The following ATP1A2 variants were observed in gnomAD, a reference collection of about 807,000 sequenced individuals.
ATP1A2 encodes the protein ATPase Na+/K+ transporting subunit alpha 2, also known as sodium/potassium-transporting ATPase subunit alpha-2.
ATP1A2 carries 56 observed loss-of-function variants against 113.1 expected under a neutral mutation model. The observed-to-expected ratio is 0.49, with a 90% CI of 0.40 to 0.62. ATP1A2 has a LOEUF of 0.62. Ranked by LOEUF, ATP1A2 falls within the 20% of genes least tolerant of loss-of-function variation. ATP1A2 has a pLI of 0.00. For missense variants in ATP1A2, 712 were observed against 1,357.8 expected (o/e 0.52, Z 7.47); for synonymous variants, 490 against 526.8 (o/e 0.93, Z 0.96).
intron 20 of ATP1A2, among the ~76,000 whole-genome samples, chr1:160,137,629 C>T (rs1035847992): frequency 1.3e-5 from 2 of 152,214 alleles, no homozygotes; most frequent in African/African-American, 2.4e-5. Flanking sequence ...GTCTCTAAAA[C>T]CCAGCCCTGG....
chr1:160,129,636 C>T (rs556686362), intron 11 of ATP1A2, among the ~76,000 whole-genome samples: 42 of 152,314 alleles, frequency 2.8e-4, no homozygotes, highest in Non-Finnish European at 4.1e-4. Flanking sequence ...CTCTTCTTCC[C>T]ATAGCTCCGC....
chr1:160,123,909 A>G, intron 4 of ATP1A2, 34 bp from the exon 5 acceptor site: 2 of 1,599,870 alleles, frequency 1.3e-6, no homozygotes, highest in East Asian at 2.2e-5. Context: ...GTTGGGGGGA[A>G]GGTCAGGTCC....
chr1:160,140,846 C>CTT (rs1045304439), intron 22 of ATP1A2: 7,183 of 87,118 alleles, frequency 0.082, 2,113 homozygotes, highest in Non-Finnish European at 0.12. Context: ...CTTTCACCTT[C>CTT]TTTTTTTTTT....
In ATP1A2 at chr1:160,120,950, G is replaced by T; in HGVS notation, c.57G>T (p.Gly19=). 1 of 1,611,662 alleles carries T rather than the reference G, an allele frequency of 6.2e-7. No homozygotes were observed. Among genetic ancestry groups the T allele is most frequent in the Non-Finnish European group, 8.5e-7 (1 of 1,178,806 alleles). Residue 19 remains glycine (G), a synonymous_variant, in exon 2 of 23, where the codon GGG becomes GGT. Transcript: ENST00000361216. ...YSPAATTAEN[G]GGKKKQKEKE... is the part of the protein sequence containing the mutation. Reference sequence around the variant, plus strand: ...CTGCCGCCACCACGGCAGAGAATGGGGGCGGCAAGAAGAAACAGAAGGAGA... The same window carrying T: ...CTGCCGCCACCACGGCAGAGAATGGTGGCGGCAAGAAGAAACAGAAGGAGA...
chr1:160,141,929 G>C lies in ATP1A2; in HGVS notation c.*607G>C, dbSNP rs1183499914. 6.3e-6 allele frequency: 1 copy of C among 159,606 alleles called. No homozygotes were observed. Among genetic ancestry groups the C allele is most frequent in the Non-Finnish European group, 1.4e-5 (1 of 71,820 alleles). The allele number at this position is 159,606 out of a possible 1,614,324, so 9.9% of individuals were successfully genotyped here. ...ACAGGTGGGAGATGGAGGTAGGGCT[G>C]GCTGGAGGAAGGAAACAACAAAGGA... is the stretch of plus-strand genomic sequence containing the variant. On this transcript the variant is annotated 3_prime_UTR_variant, in exon 23 of 23. Transcript: ENST00000361216.
intron 2 of ATP1A2, 87 bp downstream of exon 2, chr1:160,121,097 C>A: frequency 1.3e-6 from 2 of 1,599,076 alleles, no homozygotes; most frequent in South Asian, 2.2e-5. Context: ...AACTCCGTGT[C>A]CCCCATGCTG....
intron 1 of ATP1A2, among the ~76,000 whole-genome samples, chr1:160,119,886 G>T (rs1225647721): frequency 6.6e-6 from 1 of 151,790 alleles, no homozygotes; most frequent in Non-Finnish European, 1.5e-5. Flanking sequence ...GCTGAGCGTG[G>T]TGGTGCATGC....
intron 22 of ATP1A2, among the ~76,000 whole-genome samples, chr1:160,140,228 C>A (rs562217836): frequency 6.6e-6 from 1 of 152,262 alleles, no homozygotes; most frequent in South Asian, 2.1e-4. Flanking sequence ...CACCTTCCAC[C>A]TGAAACCACA....
chr1:160,127,958 A>G, intron 8 of ATP1A2, 138 bp downstream of exon 8: 1 of 1,229,326 alleles, frequency 8.1e-7, no homozygotes, highest in Non-Finnish European at 1.1e-6. Flanking sequence ...CTCAGAGATC[A>G]CTTAATACAT....
intron 14 of ATP1A2, among the ~76,000 whole-genome samples, 176 bp from the exon 15 acceptor site, chr1:160,134,969 T>C (rs1442196413): frequency 6.6e-6 from 1 of 152,086 alleles, no homozygotes; most frequent in East Asian, 1.9e-4. Flanking sequence ...GGATTTAGAC[T>C]CACATTCTCA....
At chr1:160,121,311 G>A (rs1471190758) in intron 3 of ATP1A2, 60 bp downstream of exon 3, 1 of 1,585,882 alleles carries the variant, frequency 6.3e-7, no homozygotes, top group African/African-American at 1.3e-5. Flanking sequence ...GCAGCATCAA[G>A]GTGGCAGGAG....
chr1:160,128,624 C>A (rs368793006), intron 8 of ATP1A2, 28 bp from the exon 9 acceptor site: 5 of 1,614,084 alleles, frequency 3.1e-6, no homozygotes, highest in Non-Finnish European at 3.4e-6. Context: ...CAGCCTTAAC[C>A]TTTTTTATTC....
intron 7 of ATP1A2, among the ~76,000 whole-genome samples, chr1:160,126,099 T>A (rs915208489): frequency 2.0e-5 from 3 of 152,142 alleles, no homozygotes; most frequent in Non-Finnish European, 4.4e-5. Context: ...GTGGTTTTTT[T>A]CCCTTCTTCG....
rs1570988778 is a variant in ATP1A2 at position 160,128,784 on chromosome 1, A to G, written c.1150A>G (p.Met384Val). 1 of 1,614,182 alleles carries G rather than the reference A, an allele frequency of 6.2e-7. No homozygotes were observed. The highest frequency in any genetic ancestry group is 1.1e-5 in the South Asian group (1 of 91,072). ...DKTGTLTQNRMTVAHMWFDNQ... is the reference protein window; with the variant it reads ...DKTGTLTQNRVTVAHMWFDNQ... ...GACGGGCACCCTCACCCAGAACCGC[A>G]TGACCGTCGCCCACATGTGGTTCGA... Residue 384 changes from methionine to valine, a missense_variant, in exon 9 of 23, where the codon ATG (methionine) becomes GTG (valine). Coordinates refer to ENST00000361216, the MANE Select transcript of ATP1A2 (RefSeq NM_000702.4).
In ATP1A2 at chr1:160,135,139, C is replaced by T; in HGVS notation, c.1965-6C>T. 1 of 1,613,998 alleles carries T rather than the reference C, an allele frequency of 6.2e-7. No individual in the cohort carries two copies. ...TCAGCTGTCTCTGTCCCCACCCACC[C>T]TCCAGAGAAGCCAAGGCATGCGTGG... On this transcript the variant is annotated splice_region_variant and splice_polypyrimidine_tract_variant and intron_variant, in intron 14 of 22. Transcript: ENST00000361216. The surrounding 1 kb of genome is among the most constrained non-coding windows in gnomAD (Gnocchi z 6.3).
intron 8 of ATP1A2, chr1:160,128,311 T>C: frequency 1.9e-6 from 1 of 534,828 alleles, no homozygotes; most frequent in Non-Finnish European, 3.5e-6. Context: ...AGGCCTCAGC[T>C]GTCTGTTCTT....
chr1:160,116,449 A>C (rs1212866892), intron 1 of ATP1A2, among the ~76,000 whole-genome samples: 1 of 151,164 alleles, frequency 6.6e-6, no homozygotes, highest in Non-Finnish European at 1.5e-5. Flanking sequence ...CCCAGCCCCC[A>C]CCCCAGCACC....
At chr1:160,125,076 C>T in intron 6 of ATP1A2, 60 bp from the exon 7 acceptor site, 1 of 1,387,552 alleles carries the variant, frequency 7.2e-7, no homozygotes, top group Non-Finnish European at 1.0e-6. Flanking sequence ...GTTCAGGAGA[C>T]AGCTGTGTGC....
chr1:160,135,507 C>G lies in ATP1A2; in HGVS notation c.2189C>G (p.Ala730Gly), dbSNP rs1237292783. ...PALKKADIGI[A>G]MGISGSDVSK... is the part of the protein sequence containing the mutation. ...TTGAAGAAGGCTGACATTGGCATTGCCATGGGCATCTCTGGCTCTGACGTC... is the reference window on the plus strand; with the variant it reads ...TTGAAGAAGGCTGACATTGGCATTGGCATGGGCATCTCTGGCTCTGACGTC... Residue 730 changes from alanine to glycine, a missense_variant, in exon 16 of 23, where the codon GCC (alanine) becomes GGC (glycine). Physicochemically the swap from Ala to Gly is moderately conservative, Grantham distance 60. Around this residue, in one of 6 missense-constraint regions of ATP1A2, gnomAD observed 188 missense variants for 438.9 expected, o/e 0.43. Coordinates refer to ENST00000361216, the MANE Select transcript of ATP1A2 (RefSeq NM_000702.4). This position sits in a 1 kb window ranked among gnomAD's most constrained non-coding sequence, Gnocchi z 6.3. The G allele has an allele frequency of 6.2e-7, 1 of 1,614,198 alleles. No individual in the cohort carries two copies. Among genetic ancestry groups the G allele is most frequent in the Admixed American group, 1.7e-5 (1 of 60,020 alleles).
Sources: gnomAD v4.1 joint callset for allele counts (sites outside exome capture counted in the v4.1 genomes callset) on GRCh38, gnomAD v4.1.1 for gene constraint, gnomAD v4.1.1 regional missense constraint, Gnocchi (gnomAD v3.1) non-coding constraint, MANE v1.5 for transcripts, NCBI Gene and HGNC (gene_info 2026-07-23, HGNC 2026-07-21) for gene names.